Variants in CNNM1 observed in about 807,000 individuals in gnomAD.
CNNM1 encodes metal transporter CNNM1.
In CNNM1, 44 loss-of-function variants were observed where a neutral mutation model predicts 78.8. The ratio of observed to expected loss-of-function variants is 0.56; its 90% confidence interval spans 0.44 to 0.72. The LOEUF (loss-of-function observed/expected upper bound fraction) is 0.72. Among genes scored for constraint, CNNM1 ranks in the 30% least tolerant of loss-of-function variants. CNNM1 has a pLI of 0.00. For missense variants in CNNM1, 1,101 were observed against 1,292.2 expected (o/e 0.85, Z 2.27); for synonymous variants, 584 against 581.5 (o/e 1.00, Z -0.06).
chr10:99,359,942 A>C (rs952347649), intron 2 of CNNM1, among the ~76,000 whole-genome samples: 1 of 152,082 alleles, frequency 6.6e-6, no homozygotes, highest in Admixed American at 6.5e-5. Flanking sequence ...AAAAACAAAA[A>C]AAAAAGCGGG....
At position 99,329,494 on chromosome 10, in the gene CNNM1, C is replaced by T; in HGVS notation, c.107C>T (p.Pro36Leu). 1 of 1,506,586 alleles carries T rather than the reference C, an allele frequency of 6.6e-7. No homozygotes were observed. The highest frequency in any genetic ancestry group is 8.8e-7 in the Non-Finnish European group (1 of 1,132,218). 93.3% of individuals were successfully genotyped at this position (1,506,586 alleles called of 1,614,324 possible). Residue 36 changes from proline (P) to leucine (L), a missense_variant, in exon 1 of 11, where the codon CCG (proline) becomes CTG (leucine). This residue lies in a region of CNNM1 where 476 missense variants were observed against 484.5 expected (regional missense o/e 0.98). Coordinates refer to ENST00000356713, the MANE Select transcript of CNNM1 (RefSeq NM_020348.3). ...LLFFSLSPRP[P>L]AAAAWLLGLR... ...TTCTTTTCCCTGTCTCCTCGGCCCCCGGCCGCCGCCGCCTGGCTGCTGGGC... is the reference window on the plus strand; with the variant it reads ...TTCTTTTCCCTGTCTCCTCGGCCCCTGGCCGCCGCCGCCTGGCTGCTGGGC...
rs2031821036 is a variant in CNNM1, at chr10:99,372,051, A to C, written c.2177-5004A>C. The stretch of plus-strand genomic sequence containing the variant: ...CTTCTGTATCTTGGGGTCTGATTCC[A>C]GGATAGGGTTGTGAAGGCTCCCTGG... On this transcript the variant is annotated intron_variant, in intron 6 of 10. Transcript: ENST00000356713. Among the ~76,000 whole-genome samples the C allele has an allele frequency of 2.6e-5, 4 of 152,178 alleles. No homozygotes were observed. The South Asian group carries it at 8.3e-4, about 31-fold the overall frequency.
chr10:99,390,693 A>T (rs2032447723), intron 10 of CNNM1, among the ~76,000 whole-genome samples: 1 of 152,224 alleles, frequency 6.6e-6, no homozygotes, highest in African/African-American at 2.4e-5. Flanking sequence ...GTAAGGACTT[A>T]TTGGATCACA....
At chr10:99,366,704 C>A (rs1018008803) in intron 6 of CNNM1, among the ~76,000 whole-genome samples, 2 of 152,234 alleles carry the variant, frequency 1.3e-5, no homozygotes, top group Admixed American at 6.5e-5. Context: ...ATCACTTGAA[C>A]TTGGGAGGTG....
intron 1 of CNNM1, among the ~76,000 whole-genome samples, chr10:99,343,754 G>A (rs1031755011): frequency 3.6e-4 from 55 of 151,782 alleles, no homozygotes; most frequent in African/African-American, 1.1e-3. Flanking sequence ...TCCCTCTGTC[G>A]CCCAGGCTGG....
At chr10:99,369,656 T>C (rs554924344) in intron 6 of CNNM1, among the ~76,000 whole-genome samples, 1 of 152,228 alleles carries the variant, frequency 6.6e-6, no homozygotes, top group Non-Finnish European at 1.5e-5. Flanking sequence ...CATGTTGATC[T>C]ATACAAGATA....
chr10:99,332,818 G>A (rs560193810), intron 1 of CNNM1, among the ~76,000 whole-genome samples: 94 of 152,182 alleles, frequency 6.2e-4, no homozygotes, highest in Non-Finnish European at 1.0e-3. Flanking sequence ...GTCCATTTTC[G>A]GTTGCTGTCT....
intron 6 of CNNM1, among the ~76,000 whole-genome samples, chr10:99,372,941 C>G (rs1008423264): frequency 1.3e-5 from 2 of 152,028 alleles, no homozygotes; most frequent in African/African-American, 4.8e-5. Context: ...AATAAACTTT[C>G]AATAACATTG....
intron 1 of CNNM1, among the ~76,000 whole-genome samples, chr10:99,342,830 T>G (rs1448802502): frequency 2.0e-5 from 3 of 152,178 alleles, no homozygotes; most frequent in Non-Finnish European, 4.4e-5. Flanking sequence ...AATTCTGGCA[T>G]ATATCATTGC....
At position 99,377,091 on chromosome 10, in the gene CNNM1, G is replaced by A. The variant is rs759314624; in HGVS notation, c.2213G>A (p.Arg738His). 7.6e-6 allele frequency: 12 copies of A among 1,587,684 alleles called. No homozygotes were observed. The African/African-American group carries it at 9.4e-5, about 12-fold the overall frequency. Reference sequence around the variant, plus strand: ...CCTTCTCGCTGCAGTGGGTTGAATCGCTCTGAGTCTCCAAACCGAGAGCGC... The same window carrying A: ...CCTTCTCGCTGCAGTGGGTTGAATCACTCTGAGTCTCCAAACCGAGAGCGC... ...RSPSRCSGLNRSESPNRERSD... is the reference protein window; with the variant it reads ...RSPSRCSGLNHSESPNRERSD... Residue 738 changes from arginine (R) to histidine (H), a missense_variant, in exon 7 of 11, where the codon CGC (arginine) becomes CAC (histidine). Physicochemically the swap from Arg to His is conservative, Grantham distance 29. Around this residue, in one of 3 missense-constraint regions of CNNM1, gnomAD observed 348 missense variants for 384.5 expected, o/e 0.90. Transcript: ENST00000356713.
chr10:99,387,543 A>C (rs2032340884), intron 7 of CNNM1, among the ~76,000 whole-genome samples: 1 of 152,206 alleles, frequency 6.6e-6, no homozygotes, highest in African/African-American at 2.4e-5. Context: ...TGCTCTCAGA[A>C]GATGCCCTCC....
At chr10:99,367,620 T>C (rs1053826002) in intron 6 of CNNM1, among the ~76,000 whole-genome samples, 2 of 152,210 alleles carry the variant, frequency 1.3e-5, no homozygotes, top group Non-Finnish European at 2.9e-5. Context: ...TTGTGTCTCA[T>C]AATATTAGAG....
chr10:99,388,946 A>C (rs2032387582), intron 9 of CNNM1, among the ~76,000 whole-genome samples: 1 of 152,158 alleles, frequency 6.6e-6, no homozygotes, highest in Non-Finnish European at 1.5e-5. Flanking sequence ...CCAGGGTCCC[A>C]GCAGTCTTGA....
chr10:99,376,823 G>C (rs1362130190), intron 6 of CNNM1, among the ~76,000 whole-genome samples: 1 of 152,132 alleles, frequency 6.6e-6, no homozygotes, highest in Admixed American at 6.5e-5. Context: ...GTTTGTCTTA[G>C]GTATTTGTTC....
chr10:99,388,228 A>G lies in CNNM1; in HGVS notation c.2601A>G (p.Glu867=). 1 of 1,614,008 alleles carries G rather than the reference A, an allele frequency of 6.2e-7. No homozygotes were observed. Among genetic ancestry groups the G allele is most frequent in the South Asian group, 1.1e-5 (1 of 91,090 alleles). ...TGGAGGAGCTGGCCTTCACCCAGGA[A>G]GAAATGACTGACTTCGAGGAGCACA... is the stretch of plus-strand genomic sequence containing the variant. ...LRMEELAFTQ[E]EMTDFEEHST... Residue 867 remains glutamate, a synonymous_variant, in exon 9 of 11, where the codon GAA becomes GAG. Transcript: ENST00000356713.
chr10:99,340,390 G>A (rs2030386932), intron 1 of CNNM1, among the ~76,000 whole-genome samples: 1 of 152,176 alleles, frequency 6.6e-6, no homozygotes, highest in African/African-American at 2.4e-5. Context: ...AAATCCCACA[G>A]GCTGCAGTTA....
chr10:99,370,131 GAC>G (rs377400213), intron 6 of CNNM1, among the ~76,000 whole-genome samples: 6 of 152,296 alleles, frequency 3.9e-5, no homozygotes, highest in Non-Finnish European at 5.9e-5. Flanking sequence ...CCCAATGTCA[GAC>G]AGAGATGAAA....
chr10:99,388,290 C>T lies in CNNM1; in HGVS notation c.2663C>T (p.Pro888Leu). 21 of 1,613,498 alleles carry T rather than the reference C, an allele frequency of 1.3e-5. No individual in the cohort carries two copies. The highest frequency in any genetic ancestry group is 1.8e-5 in the Non-Finnish European group (21 of 1,179,752). The change falls in exon 9 of 11, where the codon CCC becomes CTC. Residue 888 changes from proline to leucine, a missense_variant. Pro to Leu is a moderately conservative substitution (Grantham distance 98). This residue lies in a region of CNNM1 where 348 missense variants were observed against 384.5 expected (regional missense o/e 0.90). Coordinates refer to ENST00000356713, the MANE Select transcript of CNNM1 (RefSeq NM_020348.3). ...QQLTLSPAAV[P>L]TRAASDSECC... ...CTCACGCTGTCTCCTGCAGCCGTTCCCACGAGAGCAGGTCAGGGAGGCCAG... is the reference window on the plus strand; with the variant it reads ...CTCACGCTGTCTCCTGCAGCCGTTCTCACGAGAGCAGGTCAGGGAGGCCAG...
chr10:99,376,876 C>T (rs374759484), intron 6 of CNNM1, among the ~76,000 whole-genome samples, 179 bp from the exon 7 acceptor site: 11 of 152,104 alleles, frequency 7.2e-5, no homozygotes, highest in South Asian at 2.1e-4. Flanking sequence ...GCTCCTTCCC[C>T]GGGCTCTGAT....
Sources: allele counts gnomAD v4.1 joint callset (sites outside exome capture counted in the v4.1 genomes callset), GRCh38; gene constraint gnomAD v4.1.1; regional missense constraint gnomAD v4.1.1; transcripts MANE v1.5; gene names NCBI Gene and HGNC (gene_info 2026-07-23, HGNC 2026-07-21).